CACNA2D3: variants seen among roughly 807,000 people sequenced by gnomAD.
CACNA2D3 encodes calcium voltage-gated channel auxiliary subunit alpha2delta 3.
Under a neutral mutation model 160.6 loss-of-function variants are expected in CACNA2D3, and 60 were observed. The ratio of observed to expected loss-of-function variants is 0.37; its 90% CI spans 0.30 to 0.46. The LOEUF is 0.46. Ranked by LOEUF, CACNA2D3 falls within the 20% of genes least tolerant of loss-of-function variation. CACNA2D3 has a pLI of 1.00. For missense variants in CACNA2D3, 1,205 were observed against 1,365.0 expected (o/e 0.88, Z 1.85); for synonymous variants, 558 against 492.9 (o/e 1.13, Z -1.75).
chr3:54,131,377 C>T (rs1699703701), intron 2 of CACNA2D3, among the ~76,000 whole-genome samples: 1 of 152,212 alleles, frequency 6.6e-6, no homozygotes. Context: ...GCCCATCACC[C>T]AAGGAATTGG....
At position 54,687,121 on chromosome 3, in the gene CACNA2D3, C is replaced by CTT. The variant is rs757838355; in HGVS notation, c.1167+44892_1167+44893dup. Among the ~76,000 whole-genome samples the CTT allele has an allele frequency of 3.5e-3, 331 of 94,906 alleles. 19 individuals are homozygous for CTT. The highest frequency in any genetic ancestry group is 9.9e-3 in the South Asian group (23 of 2,330). The allele number at this position is 94,906 out of a possible 152,430, so 62.3% of individuals were successfully genotyped here. A position where few individuals can be genotyped will look rare whatever the true frequency, so the allele number is the denominator to read the frequency against. Reference sequence around the variant, plus strand: ...AAATCGGATTTTTCTTTTTCTTTTTCTTTTTTTTTTTTTGTTTTTTTTTTT... The same window carrying CTT: ...AAATCGGATTTTTCTTTTTCTTTTTCTTTTTTTTTTTTTTTGTTTTTTTTTTT... On this transcript the variant is annotated intron_variant, in intron 11 of 37. Transcript: ENST00000474759.
intron 35 of CACNA2D3, among the ~76,000 whole-genome samples, chr3:55,037,091 A>G (rs774148457): frequency 6.6e-6 from 1 of 152,168 alleles, no homozygotes; most frequent in Non-Finnish European, 1.5e-5. Context: ...CATGACAGTA[A>G]TTTCCTGGAT....
intron 13 of CACNA2D3, among the ~76,000 whole-genome samples, chr3:54,810,052 G>T (rs1457124123): frequency 6.6e-6 from 1 of 152,192 alleles, no homozygotes; most frequent in East Asian, 1.9e-4. Flanking sequence ...TGCCATCAGA[G>T]CTGAGATCTG....
chr3:54,881,127 A>G (rs953904757), intron 21 of CACNA2D3, among the ~76,000 whole-genome samples: 2 of 152,202 alleles, frequency 1.3e-5, no homozygotes, highest in Non-Finnish European at 2.9e-5. Context: ...GCTGTTGACT[A>G]TGAGTAACTC....
chr3:54,933,299 T>C lies in CACNA2D3; in HGVS notation c.2449+33431T>C, dbSNP rs563894097. ...GCTATTTTAACAAACAACACCCAAA[T>C]CTCAGTGGTTTAACAGAATAGCTCA... On this transcript the variant is annotated intron_variant, in intron 27 of 37. Coordinates refer to ENST00000474759, the MANE Select transcript of CACNA2D3 (RefSeq NM_018398.3). 3.9e-5 allele frequency among the ~76,000 whole-genome samples: 6 copies of C among 152,308 alleles called. No individual in the cohort carries two copies. In the South Asian group the frequency reaches 1.2e-3, roughly 32 times the overall value.
At position 54,937,294 on chromosome 3, in the gene CACNA2D3, A is replaced by G. The variant is rs567784103; in HGVS notation, c.2450-31156A>G. Among the ~76,000 whole-genome samples the G allele has an allele frequency of 4.6e-5, 7 of 152,332 alleles. No homozygotes were observed. In the East Asian group the frequency reaches 1.4e-3, roughly 29 times the overall value. ...AAGACACAGCTCAATGAATGGACCT[A>G]CAGTCCAAATGGCCACTACAGTGTA... is the stretch of plus-strand genomic sequence containing the variant. On this transcript the variant is annotated intron_variant, in intron 27 of 37. Transcript: ENST00000474759.
intron 11 of CACNA2D3, among the ~76,000 whole-genome samples, chr3:54,727,448 A>C (rs374829404): frequency 1.3e-5 from 2 of 152,360 alleles, no homozygotes; most frequent in South Asian, 2.1e-4. Flanking sequence ...CTATAAAGAC[A>C]CATGCACACA....
At chr3:54,415,927 T>G (rs549097374) in intron 4 of CACNA2D3, among the ~76,000 whole-genome samples, 1 of 152,292 alleles carries the variant, frequency 6.6e-6, no homozygotes, top group South Asian at 2.1e-4. Flanking sequence ...AAGATGAAAC[T>G]TAGGGATTAT....
chr3:54,164,694 TG>T (rs1393538666), intron 2 of CACNA2D3, among the ~76,000 whole-genome samples: 1 of 152,040 alleles, frequency 6.6e-6, no homozygotes, highest in Non-Finnish European at 1.5e-5. Flanking sequence ...CCAGTGGGGA[TG>T]GGGGAAGGAT....
intron 11 of CACNA2D3, among the ~76,000 whole-genome samples, chr3:54,706,822 T>C (rs1229734559): frequency 6.6e-6 from 1 of 152,228 alleles, no homozygotes; most frequent in Admixed American, 6.5e-5. Flanking sequence ...TTGTGGCCAA[T>C]ATAATGGATT....
intron 4 of CACNA2D3, among the ~76,000 whole-genome samples, chr3:54,409,810 A>G (rs1393483002): frequency 6.6e-6 from 1 of 152,180 alleles, no homozygotes; most frequent in African/African-American, 2.4e-5. Flanking sequence ...AGGCTGAGAG[A>G]AGTGAGAAAG....
At chr3:54,317,262 C>G (rs975022495) in intron 2 of CACNA2D3, among the ~76,000 whole-genome samples, 3 of 152,212 alleles carry the variant, frequency 2.0e-5, no homozygotes, top group Non-Finnish European at 2.9e-5. Flanking sequence ...TTTGGGCTGG[C>G]CAGAGCCCCA....
At chr3:54,702,817 T>C (rs1022203950) in intron 11 of CACNA2D3, among the ~76,000 whole-genome samples, 4 of 152,124 alleles carry the variant, frequency 2.6e-5, no homozygotes, top group African/African-American at 9.7e-5. Context: ...AGCAAAGACA[T>C]GGAATCAATG....
intron 13 of CACNA2D3, among the ~76,000 whole-genome samples, chr3:54,797,526 C>T (rs935112196): frequency 2.0e-4 from 31 of 152,182 alleles, no homozygotes; most frequent in Non-Finnish European, 3.8e-4. Context: ...GTGGAAGATA[C>T]GACAGTATCA....
intron 11 of CACNA2D3, among the ~76,000 whole-genome samples, chr3:54,713,631 T>C (rs993124801): frequency 1.3e-5 from 2 of 152,180 alleles, no homozygotes; most frequent in African/African-American, 4.8e-5. Flanking sequence ...CAGGATGAGA[T>C]GAGGTCTGGA....
intron 4 of CACNA2D3, among the ~76,000 whole-genome samples, chr3:54,390,937 C>A (rs551942998): frequency 6.6e-6 from 1 of 152,038 alleles, no homozygotes; most frequent in African/African-American, 2.4e-5. Context: ...TGTGAAATAA[C>A]GCTGAGAAGG....
At chr3:54,747,137 G>T (rs1219997161) in intron 11 of CACNA2D3, among the ~76,000 whole-genome samples, 1 of 151,970 alleles carries the variant, frequency 6.6e-6, no homozygotes, top group Non-Finnish European at 1.5e-5. Context: ...TCATCTGCTT[G>T]GTGGCATTTT....
chr3:54,149,267 G>GCACACACACA (rs3060363), intron 2 of CACNA2D3, among the ~76,000 whole-genome samples: 6,335 of 144,338 alleles, frequency 0.044, 224 homozygotes, highest in African/African-American at 0.09. Context: ...GGTCCCATGT[G>GCACACACACA]CACACACACA....
chr3:54,460,493 C>T (rs1700482464), intron 4 of CACNA2D3, among the ~76,000 whole-genome samples: 2 of 152,128 alleles, frequency 1.3e-5, no homozygotes, highest in Non-Finnish European at 2.9e-5. Context: ...TCCTTCACAT[C>T]CCTTCTAAGT....
Sources: allele counts gnomAD v4.1 joint callset (sites outside exome capture counted in the v4.1 genomes callset), GRCh38; gene constraint gnomAD v4.1.1; transcripts MANE v1.5; gene names NCBI Gene and HGNC (gene_info 2026-07-23, HGNC 2026-07-21).